The following MAGI1 variants were observed in gnomAD, a reference collection of about 807,000 sequenced individuals.
MAGI1 encodes membrane associated guanylate kinase, WW and PDZ domain containing 1, also known as membrane-associated guanylate kinase, WW and PDZ domain-containing protein 1.
Under a neutral mutation model 139.9 loss-of-function variants are expected in MAGI1, and 58 were observed. That is an observed-to-expected ratio of 0.41 (90% CI 0.34 to 0.52). The LOEUF (loss-of-function observed/expected upper bound fraction) is 0.52, where lower values mean the gene tolerates loss of function less well. Ranked by LOEUF, MAGI1 falls within the 20% of genes least tolerant of loss-of-function variation. The pLI is 0.12. For missense variants in MAGI1, 1,874 were observed against 1,901.6 expected (o/e 0.99, Z 0.27); for synonymous variants, 812 against 737.9 (o/e 1.10, Z -1.63).
At chr3:65,965,315 C>G (rs2064686869) in intron 1 of MAGI1, among the ~76,000 whole-genome samples, 1 of 152,170 alleles carries the variant, frequency 6.6e-6, no homozygotes, top group Admixed American at 6.5e-5. Flanking sequence ...TCCACGTTAC[C>G]CTTTTTAAAA....
At chr3:65,739,274 T>G (rs1311088628) in intron 1 of MAGI1, among the ~76,000 whole-genome samples, 1 of 152,212 alleles carries the variant, frequency 6.6e-6, no homozygotes, top group African/African-American at 2.4e-5. Context: ...ACTTTTCTTC[T>G]GCAGCTTCCT....
chr3:65,784,671 C>G (rs187990479), intron 1 of MAGI1, among the ~76,000 whole-genome samples: 8 of 152,088 alleles, frequency 5.3e-5, no homozygotes, highest in African/African-American at 1.2e-4. Flanking sequence ...CGCCACTGCA[C>G]TCCAGCCTGG....
intron 1 of MAGI1, among the ~76,000 whole-genome samples, chr3:65,630,508 A>C (rs2084232606): frequency 6.6e-6 from 1 of 152,186 alleles, no homozygotes; most frequent in Non-Finnish European, 1.5e-5. Flanking sequence ...AAAATGTGAT[A>C]TCTATACACC....
At chr3:65,816,300 A>C (rs2041595541) in intron 1 of MAGI1, among the ~76,000 whole-genome samples, 1 of 152,188 alleles carries the variant, frequency 6.6e-6, no homozygotes, top group African/African-American at 2.4e-5. Flanking sequence ...AAACACTTTC[A>C]GTGATGAAAA....
rs1157844067 is a variant in MAGI1, at chr3:65,622,101, C to T, written c.314-13G>A. On this transcript the variant is annotated splice_polypyrimidine_tract_variant and intron_variant, in intron 1 of 22. Transcript: ENST00000402939. Reference sequence around the variant, plus strand: ...TTCAGCCTTCCTCCTGCAGGAAATACATAAAATAGACATACCACATCAACA... The same window carrying T: ...TTCAGCCTTCCTCCTGCAGGAAATATATAAAATAGACATACCACATCAACA... The T allele has an allele frequency of 2.5e-6, 4 of 1,570,154 alleles. No homozygotes were observed. The highest frequency in any genetic ancestry group is 3.5e-6 in the Non-Finnish European group (4 of 1,140,252).
intron 1 of MAGI1, among the ~76,000 whole-genome samples, chr3:65,852,799 G>C (rs1228785231): frequency 1.3e-5 from 2 of 152,042 alleles, no homozygotes; most frequent in East Asian, 3.9e-4. Context: ...CACTGCACCT[G>C]GCCAACAACA....
At chr3:65,793,528 T>A (rs1559888285) in intron 1 of MAGI1, among the ~76,000 whole-genome samples, 1 of 152,222 alleles carries the variant, frequency 6.6e-6, no homozygotes, top group Non-Finnish European at 1.5e-5. Flanking sequence ...GGAGCTTTAA[T>A]CTTCAAAGTA....
At chr3:65,434,934 T>C (rs192130336) in intron 10 of MAGI1, among the ~76,000 whole-genome samples, 208 of 152,286 alleles carry the variant, frequency 1.4e-3, no homozygotes, top group Non-Finnish European at 2.3e-3. Context: ...GAGGTGATTA[T>C]ACCATGAGAG....
At chr3:65,675,038 C>G (rs149897890) in intron 1 of MAGI1, among the ~76,000 whole-genome samples, 207 of 152,086 alleles carry the variant, frequency 1.4e-3, no homozygotes, top group African/African-American at 4.5e-3. Context: ...TCTGCTGTAT[C>G]TCGTAAGATA....
intron 1 of MAGI1, among the ~76,000 whole-genome samples, chr3:66,013,827 G>C (rs926365342): frequency 9.2e-5 from 14 of 151,698 alleles, no homozygotes; most frequent in Non-Finnish European, 1.9e-4. Flanking sequence ...AAGCATGTTA[G>C]GGCCAATGCT....
At chr3:66,035,877 G>C (rs539113386) in intron 1 of MAGI1, among the ~76,000 whole-genome samples, 2 of 152,246 alleles carry the variant, frequency 1.3e-5, no homozygotes, top group Admixed American at 6.5e-5. Context: ...TCCATGATGA[G>C]AGAGCCCTGG....
At chr3:65,734,317 AG>A (rs1217457297) in intron 1 of MAGI1, among the ~76,000 whole-genome samples, 1 of 151,958 alleles carries the variant, frequency 6.6e-6, no homozygotes, top group East Asian at 1.9e-4. Flanking sequence ...AGACTTGGCC[AG>A]GTATGGTGGC....
At chr3:65,762,929 A>G (rs764096473) in intron 1 of MAGI1, among the ~76,000 whole-genome samples, 11 of 152,196 alleles carry the variant, frequency 7.2e-5, no homozygotes, top group Non-Finnish European at 1.3e-4. Flanking sequence ...AACTTTATAT[A>G]CAAGGATATT....
chr3:65,674,893 A>G (rs1262655571), intron 1 of MAGI1, among the ~76,000 whole-genome samples: 1 of 152,220 alleles, frequency 6.6e-6, no homozygotes, highest in East Asian at 1.9e-4. Context: ...TTGTGTTAAT[A>G]AATACACTTC....
At chr3:65,659,968 C>G (rs892890515) in intron 1 of MAGI1, among the ~76,000 whole-genome samples, 2 of 152,178 alleles carry the variant, frequency 1.3e-5, no homozygotes, top group South Asian at 2.1e-4. Flanking sequence ...CAGAACCATA[C>G]TGACAAGACA....
intron 1 of MAGI1, among the ~76,000 whole-genome samples, chr3:65,908,800 T>C (rs550034397): frequency 1.3e-5 from 2 of 152,174 alleles, no homozygotes; most frequent in South Asian, 4.1e-4. Flanking sequence ...CTCTCCAGCA[T>C]GCCTTATCAT....
intron 1 of MAGI1, among the ~76,000 whole-genome samples, chr3:65,673,687 T>C (rs1008381984): frequency 1.5e-4 from 23 of 152,326 alleles, no homozygotes; most frequent in Admixed American, 1.3e-3. Context: ...CAACAGTCAT[T>C]TGGATCTTCA....
chr3:66,037,660 C>T (rs1312456551), intron 1 of MAGI1, among the ~76,000 whole-genome samples: 2 of 152,196 alleles, frequency 1.3e-5, no homozygotes, highest in African/African-American at 4.8e-5. Flanking sequence ...GCCAGGACAG[C>T]GTCCACCATG....
intron 1 of MAGI1, among the ~76,000 whole-genome samples, chr3:65,670,521 T>C (rs2086790285): frequency 6.6e-6 from 1 of 152,160 alleles, no homozygotes; most frequent in Non-Finnish European, 1.5e-5. Flanking sequence ...ATTTATAGAG[T>C]ACCATCAATA....
Sources: gnomAD v4.1 joint callset for allele counts (sites outside exome capture counted in the v4.1 genomes callset) on GRCh38, gnomAD v4.1.1 for gene constraint, MANE v1.5 for transcripts, NCBI Gene and HGNC (gene_info 2026-07-23, HGNC 2026-07-21) for gene names.